Variants in ERBB4 observed in about 807,000 individuals in gnomAD.
The protein encoded by ERBB4 is erb-b2 receptor tyrosine kinase 4, also known as receptor tyrosine-protein kinase erbB-4.
In ERBB4, 42 loss-of-function variants were observed where a neutral mutation model predicts 158.0. The ratio of observed to expected loss-of-function variants is 0.27; its 90% CI spans 0.21 to 0.34. The LOEUF (loss-of-function observed/expected upper bound fraction) is 0.34, where lower values mean the gene tolerates loss of function less well. Among genes scored for constraint, ERBB4 ranks in the 10% least tolerant of loss-of-function variants. The pLI is 1.00. For missense variants in ERBB4, 1,333 were observed against 1,624.1 expected, an observed-to-expected ratio of 0.82 and a Z score of 3.08; for synonymous variants, 583 against 558.7, an observed-to-expected ratio of 1.04 and a Z score of -0.61.
At chr2:212,475,889 C>G (rs1689363243) in intron 1 of ERBB4, among the ~76,000 whole-genome samples, 2 of 152,078 alleles carry the variant, frequency 1.3e-5, no homozygotes, top group African/African-American at 4.8e-5. Context: ...CTTACTCAGT[C>G]CAATCACTTT....
intron 19 of ERBB4, among the ~76,000 whole-genome samples, chr2:211,566,080 G>A (rs199778375): frequency 2.0e-5 from 3 of 152,150 alleles, no homozygotes; most frequent in South Asian, 2.1e-4. Flanking sequence ...GAGGCGTCAC[G>A]CCTAGCAAGG....
At chr2:211,559,379 TTAAAA>T (rs967453136) in intron 20 of ERBB4, among the ~76,000 whole-genome samples, 8 of 152,216 alleles carry the variant, frequency 5.3e-5, no homozygotes, top group Non-Finnish European at 1.2e-4. Context: ...CCTACAGCAC[TTAAAA>T]TAAAATTCAA....
At chr2:211,711,335 C>T (rs1434717220) in intron 9 of ERBB4, among the ~76,000 whole-genome samples, 1 of 152,006 alleles carries the variant, frequency 6.6e-6, no homozygotes, top group Non-Finnish European at 1.5e-5. Flanking sequence ...TTATCTGTAG[C>T]CTGCAGCACT....
intron 2 of ERBB4, among the ~76,000 whole-genome samples, chr2:212,082,315 T>G (rs187815190): frequency 6.6e-6 from 1 of 152,200 alleles, no homozygotes; most frequent in Non-Finnish European, 1.5e-5. Flanking sequence ...TTGTGTTTAA[T>G]TTTTAAGAAA....
In ERBB4 at chr2:212,436,785, C is replaced by T. The variant is rs1280586533; in HGVS notation, c.82+101664G>A. Among the ~76,000 whole-genome samples the T allele has an allele frequency of 2.6e-5, 4 of 152,120 alleles. No homozygotes were observed. The South Asian group carries it at 6.2e-4, about 24-fold the overall frequency. ...ATGAACATAACTAGAATGGCCGAAC[C>T]TTTCTCAAACCAAAGAGACTTTTGC... On this transcript the variant is annotated intron_variant, in intron 1 of 27. Coordinates refer to ENST00000342788, the MANE Select transcript of ERBB4 (RefSeq NM_005235.3).
intron 10 of ERBB4, 41 bp from the exon 11 acceptor site, chr2:211,704,235 G>T: frequency 1.6e-6 from 2 of 1,256,960 alleles, no homozygotes; most frequent in African/African-American, 1.5e-5. Context: ...GAATATCATT[G>T]TCTTAGTATT....
rs967230939 is a variant in ERBB4 at position 212,258,517 on chromosome 2, A to T, written c.83-133614T>A. Among the ~76,000 whole-genome samples, 98 of 151,178 alleles carry T rather than the reference A, an allele frequency of 6.5e-4. 1 individual carries two copies. The highest frequency in any genetic ancestry group is 4.4e-3 in the South Asian group (21 of 4,812). The stretch of plus-strand genomic sequence containing the variant: ...TAGTTACGCTAAAATAATATGTTTT[A>T]AAAAATATATTGGTAATAAAAGGTA... On this transcript the variant is annotated intron_variant, in intron 1 of 27. Transcript: ENST00000342788.
At chr2:211,980,943 T>C (rs901102922) in intron 2 of ERBB4, among the ~76,000 whole-genome samples, 1 of 152,008 alleles carries the variant, frequency 6.6e-6, no homozygotes, top group Non-Finnish European at 1.5e-5. Flanking sequence ...TGGAGTACAG[T>C]GAAAGAACAG....
intron 2 of ERBB4, among the ~76,000 whole-genome samples, chr2:212,070,846 A>T (rs1028649110): frequency 1.3e-5 from 2 of 152,048 alleles, no homozygotes; most frequent in African/African-American, 2.4e-5. Context: ...CAAATTTAAG[A>T]ATCAGATTGC....
Position 212,399,569 on chromosome 2 carries a change from TATATATATATATATATTG to T in ERBB4, c.82+138862_82+138879del, listed in dbSNP as rs1424730289. ...ACATATATATATATATATATATATA[TATATATATATATATATTG>T]GGCGTGGTGTCTTATGCCTGTAATC... On this transcript the variant is annotated intron_variant, in intron 1 of 27. Coordinates refer to ENST00000342788, the MANE Select transcript of ERBB4 (RefSeq NM_005235.3). Among the ~76,000 whole-genome samples the T allele has an allele frequency of 1.5e-4, 4 of 26,584 alleles. No homozygotes were observed. In the African/African-American group the frequency reaches 1.5e-3, roughly 10 times the overall value. 17.4% of individuals were successfully genotyped at this position (26,584 alleles called of 152,430 possible). A position where few individuals can be genotyped will look rare whatever the true frequency, so the allele number is the denominator to read the frequency against.
rs2125318239 is a variant in ERBB4 at position 211,386,893 on chromosome 2, C to T, written c.3441G>A (p.Glu1147=). 1.9e-6 allele frequency: 3 copies of T among 1,614,186 alleles called. No homozygotes were observed. The highest frequency in any genetic ancestry group is 2.5e-6 in the Non-Finnish European group (3 of 1,180,028). The change falls in exon 27 of 28, where the codon GAG becomes GAA. Residue 1147 remains glutamate, a synonymous_variant. Coordinates refer to ENST00000342788, the MANE Select transcript of ERBB4 (RefSeq NM_005235.3). ...PERSPRGELD[E]EGYMTPMRDK... ...CTCGCATAGGAGTCATGTAACCTTC[C>T]TCATCCAGCTCTCCTCGTGGGCTCC...
At chr2:211,922,748 T>A (rs1367432368) in intron 3 of ERBB4, among the ~76,000 whole-genome samples, 1 of 152,042 alleles carries the variant, frequency 6.6e-6, no homozygotes, top group African/African-American at 2.4e-5. Context: ...TATGGGGTGG[T>A]GTGGATTGTC....
At chr2:211,638,346 G>A (rs1011708540) in intron 16 of ERBB4, among the ~76,000 whole-genome samples, 1 of 152,018 alleles carries the variant, frequency 6.6e-6, no homozygotes, top group Non-Finnish European at 1.5e-5. Flanking sequence ...ACATTTTAAG[G>A]GTTACTGCCT....
intron 15 of ERBB4, among the ~76,000 whole-genome samples, chr2:211,661,406 A>G (rs2071417900): frequency 6.6e-6 from 1 of 152,182 alleles, no homozygotes; most frequent in Non-Finnish European, 1.5e-5. Flanking sequence ...TTATAAAAAA[A>G]AGTGTTTCAA....
chr2:212,085,768 T>A (rs1451545166), intron 2 of ERBB4, among the ~76,000 whole-genome samples: 2 of 151,912 alleles, frequency 1.3e-5, no homozygotes, highest in Non-Finnish European at 2.9e-5. Flanking sequence ...ACCTTCCTCA[T>A]AAAGTGGCTT....
chr2:211,996,483 A>G (rs2082203215), intron 2 of ERBB4, among the ~76,000 whole-genome samples: 1 of 152,188 alleles, frequency 6.6e-6, no homozygotes, highest in Non-Finnish European at 1.5e-5. Flanking sequence ...TTATGACTAT[A>G]AGGGAGATAT....
At chr2:212,462,686 C>T (rs189143103) in intron 1 of ERBB4, among the ~76,000 whole-genome samples, 5 of 152,148 alleles carry the variant, frequency 3.3e-5, no homozygotes, top group South Asian at 2.1e-4. Context: ...TTATGGAACA[C>T]AGTATGGATG....
chr2:212,278,992 A>T (rs1245346595), intron 1 of ERBB4, among the ~76,000 whole-genome samples: 6 of 151,676 alleles, frequency 4.0e-5, no homozygotes, highest in Non-Finnish European at 7.4e-5. Flanking sequence ...GTTGCAGATT[A>T]TAAATTTCAC....
chr2:211,852,722 C>T (rs780772805), intron 3 of ERBB4, among the ~76,000 whole-genome samples: 1 of 149,566 alleles, frequency 6.7e-6, no homozygotes, highest in Non-Finnish European at 1.5e-5. Flanking sequence ...TCCTAATGGC[C>T]TACATTTATT....
Sources: allele counts gnomAD v4.1 joint callset (sites outside exome capture counted in the v4.1 genomes callset), GRCh38; gene constraint gnomAD v4.1.1; transcripts MANE v1.5; gene names NCBI Gene and HGNC (gene_info 2026-07-23, HGNC 2026-07-21).